The following PRKG1 variants were observed in gnomAD, a reference collection of about 807,000 sequenced individuals.
PRKG1 encodes protein kinase cGMP-dependent 1, also known as cGMP-dependent protein kinase 1.
Under a neutral mutation model 88.1 loss-of-function variants are expected in PRKG1, and 35 were observed. That is an observed-to-expected ratio of 0.40 (90% CI 0.30 to 0.53). The LOEUF is 0.53. Ranked by LOEUF, PRKG1 falls within the 20% of genes least tolerant of loss-of-function variation. PRKG1 has a pLI of 0.59. For missense variants in PRKG1, 540 were observed against 839.8 expected (o/e 0.64, Z 4.41); for synonymous variants, 303 against 292.5 (o/e 1.04, Z -0.37).
At chr10:52,206,757 T>G (rs1026445779) in intron 9 of PRKG1, among the ~76,000 whole-genome samples, 19 of 152,332 alleles carry the variant, frequency 1.2e-4, no homozygotes, top group African/African-American at 4.6e-4. Flanking sequence ...AGTTCTATCC[T>G]GTCTCCCCTG....
intron 5 of PRKG1, among the ~76,000 whole-genome samples, chr10:51,944,421 AT>A (rs1182341797): frequency 3.9e-5 from 6 of 151,912 alleles, no homozygotes; most frequent in Admixed American, 3.9e-4. Context: ...GGATTCATTA[AT>A]TTTTTGAAGG....
chr10:51,820,094 C>T (rs1439188520), intron 4 of PRKG1, among the ~76,000 whole-genome samples: 1 of 152,060 alleles, frequency 6.6e-6, no homozygotes, highest in East Asian at 1.9e-4. Flanking sequence ...TCATTGCAGT[C>T]ACCTTCCAAA....
intron 1 of PRKG1, among the ~76,000 whole-genome samples, chr10:51,089,995 C>T (rs1844358751): frequency 6.6e-6 from 1 of 152,144 alleles, no homozygotes; most frequent in Admixed American, 6.6e-5. Flanking sequence ...AGTAGGTAAG[C>T]TCAGAACATG....
At chr10:51,721,745 T>C (rs578034812) in intron 3 of PRKG1, among the ~76,000 whole-genome samples, 1 of 120,446 alleles carries the variant, frequency 8.3e-6, no homozygotes, top group African/African-American at 2.9e-5. Flanking sequence ...GGTATTTTCT[T>C]ATATTTTCAT....
chr10:51,393,137 T>C (rs1402187559), intron 2 of PRKG1, among the ~76,000 whole-genome samples: 29 of 116,754 alleles, frequency 2.5e-4, no homozygotes, highest in African/African-American at 3.4e-4. Flanking sequence ...TCCTCACTTC[T>C]CAGACGGGGC....
At chr10:51,575,691 A>G (rs1482922329) in intron 3 of PRKG1, among the ~76,000 whole-genome samples, 1 of 151,502 alleles carries the variant, frequency 6.6e-6, no homozygotes. Flanking sequence ...CACTTTTGCT[A>G]TATGAGCCCG....
intron 3 of PRKG1, among the ~76,000 whole-genome samples, chr10:51,657,073 C>T (rs1055801615): frequency 2.0e-5 from 3 of 152,140 alleles, no homozygotes; most frequent in Non-Finnish European, 2.9e-5. Context: ...ATATGTCAAG[C>T]ATTTATAATA....
At chr10:51,299,361 A>T (rs999948576) in intron 2 of PRKG1, among the ~76,000 whole-genome samples, 1 of 151,972 alleles carries the variant, frequency 6.6e-6, no homozygotes, top group African/African-American at 2.4e-5. Flanking sequence ...ATCCTCCACC[A>T]TGCCTGGCTA....
chr10:51,584,024 AATCAGAC>A (rs1465451790), intron 3 of PRKG1, among the ~76,000 whole-genome samples: 5 of 152,202 alleles, frequency 3.3e-5, no homozygotes, highest in Admixed American at 1.3e-4. Context: ...TATAGCACTT[AATCAGAC>A]ATTTGTAGTC....
intron 3 of PRKG1, among the ~76,000 whole-genome samples, chr10:51,790,954 T>C (rs1838855347): frequency 1.3e-5 from 2 of 152,148 alleles, no homozygotes; most frequent in South Asian, 4.1e-4. Flanking sequence ...CTTCCTATAA[T>C]GGAAAACTTC....
chr10:51,855,767 C>T (rs2132816909), intron 4 of PRKG1, among the ~76,000 whole-genome samples: 1 of 152,212 alleles, frequency 6.6e-6, no homozygotes, highest in South Asian at 2.1e-4. Flanking sequence ...AAAGTAAATT[C>T]CTGTCAGTTT....
chr10:51,535,409 C>G (rs1406855655), intron 3 of PRKG1, among the ~76,000 whole-genome samples: 1 of 152,070 alleles, frequency 6.6e-6, no homozygotes, highest in Non-Finnish European at 1.5e-5. Flanking sequence ...CAAACTGCAC[C>G]AATCAGAACT....
chr10:51,823,153 T>C (rs1189028689), intron 4 of PRKG1, among the ~76,000 whole-genome samples: 2 of 152,054 alleles, frequency 1.3e-5, no homozygotes, highest in African/African-American at 2.4e-5. Flanking sequence ...ATACAACACA[T>C]ATAAACAACT....
At chr10:51,774,346 T>A (rs1838381565) in intron 3 of PRKG1, among the ~76,000 whole-genome samples, 1 of 152,070 alleles carries the variant, frequency 6.6e-6, no homozygotes. Context: ...AAAAATTAAA[T>A]GGGGGAAATT....
intron 3 of PRKG1, among the ~76,000 whole-genome samples, chr10:51,559,363 G>A (rs1367943340): frequency 6.6e-6 from 1 of 152,082 alleles, no homozygotes; most frequent in Non-Finnish European, 1.5e-5. Flanking sequence ...ACTTGAGGAA[G>A]TAAATAATGC....
intron 3 of PRKG1, among the ~76,000 whole-genome samples, chr10:51,707,343 C>T (rs1378095627): frequency 5.9e-5 from 9 of 152,146 alleles, no homozygotes; most frequent in Non-Finnish European, 2.9e-5. Context: ...GGTACCTACT[C>T]GAGCGCATAG....
At chr10:51,824,539 T>C (rs1839836320) in intron 4 of PRKG1, among the ~76,000 whole-genome samples, 3 of 152,158 alleles carry the variant, frequency 2.0e-5, no homozygotes, top group African/African-American at 7.2e-5. Flanking sequence ...TGTTAGTCCA[T>C]TTTGCATTAC....
rs576357482 is a variant in PRKG1 at position 52,189,285 on chromosome 10, C to T, written c.1076+27322C>T. Among the ~76,000 whole-genome samples, 15 of 152,272 alleles carry T rather than the reference C, an allele frequency of 9.9e-5. No homozygotes were observed. In the East Asian group the frequency reaches 2.1e-3, roughly 22 times the overall value. On this transcript the variant is annotated intron_variant, in intron 9 of 17. Coordinates refer to ENST00000373980, the MANE Select transcript of PRKG1 (RefSeq NM_006258.4). The stretch of plus-strand genomic sequence containing the variant: ...GTGGTTTAAAACTTTCCTTTTACTT[C>T]GCAATCCTTCCCCACTTCTCCTGCA...
intron 17 of PRKG1, 91 bp downstream of exon 17, chr10:52,290,381 T>A (rs1230258379): frequency 8.2e-6 from 9 of 1,093,786 alleles, no homozygotes; most frequent in Admixed American, 7.5e-5. Context: ...AGTTTAATCC[T>A]ATGATTAAGT....
Sources: allele counts gnomAD v4.1 joint callset (sites outside exome capture counted in the v4.1 genomes callset), GRCh38; gene constraint gnomAD v4.1.1; transcripts MANE v1.5; gene names NCBI Gene and HGNC (gene_info 2026-07-23, HGNC 2026-07-21).